The following CBR4 variants were observed in gnomAD, a reference collection of about 807,000 sequenced individuals.
CBR4 encodes 3-oxoacyl-[acyl-carrier-protein] reductase.
A neutral mutation model predicts 21.0 loss-of-function variants in CBR4; 22 were observed. The observed-to-expected ratio is 1.05, with a 90% CI of 0.75 to 1.50. The LOEUF (loss-of-function observed/expected upper bound fraction) is 1.50, where lower values mean the gene tolerates loss of function less well. CBR4 is among the 40% of genes most tolerant of loss of function. The pLI, the probability that CBR4 is intolerant of heterozygous loss-of-function variation, is 0.00. For synonymous variants in CBR4, 100 were observed against 104.4 expected (o/e 0.96, Z 0.26); for missense variants, 302 against 286.3 (o/e 1.05, Z -0.40).
intron 2 of CBR4, among the ~76,000 whole-genome samples, chr4:168,968,898 T>C (rs916061386): frequency 2.0e-5 from 3 of 152,240 alleles, no homozygotes; most frequent in African/African-American, 4.8e-5. Flanking sequence ...ACCAGTGTGA[T>C]GGTTCTGCCT....
chr4:168,915,061 C>T (rs1334488681), intron 2 of CBR4, among the ~76,000 whole-genome samples: 4 of 152,154 alleles, frequency 2.6e-5, no homozygotes, highest in African/African-American at 4.8e-5. Flanking sequence ...TAAGCCTTTC[C>T]TTATATCAGT....
chr4:169,000,342 T>C (rs574394729), intron 4 of CBR4, among the ~76,000 whole-genome samples: 3 of 150,212 alleles, frequency 2.0e-5, no homozygotes, highest in African/African-American at 7.4e-5. Context: ...CAAATATTCA[T>C]AGATTTAGAA....
At chr4:169,009,021 T>C (rs1482954362) in intron 1 of CBR4, 3 of 448,518 alleles carry the variant, frequency 6.7e-6, no homozygotes, top group Admixed American at 4.9e-5. Context: ...AAATCAGGAG[T>C]TGGGGTCCAG....
chr4:168,896,076 G>A (rs999691525), intron 2 of CBR4, among the ~76,000 whole-genome samples: 2 of 152,150 alleles, frequency 1.3e-5, no homozygotes, highest in Non-Finnish European at 2.9e-5. Context: ...CGGGTGTGGT[G>A]GCGTGCGCCT....
chr4:169,006,688 G>T (rs1049775430), intron 3 of CBR4, 67 bp downstream of exon 3: 2 of 1,331,886 alleles, frequency 1.5e-6, no homozygotes, highest in Non-Finnish European at 2.1e-6. Flanking sequence ...TCACAAATTC[G>T]TGGATTAAAT....
intron 1 of CBR4, among the ~76,000 whole-genome samples, chr4:169,008,002 G>C (rs1375425790): frequency 6.6e-6 from 1 of 152,140 alleles, no homozygotes; most frequent in African/African-American, 2.4e-5. Flanking sequence ...AATCAACAAA[G>C]GGGGGAGGGC....
chr4:168,981,045 A>G (rs1185277890), intron 2 of CBR4, among the ~76,000 whole-genome samples: 1 of 152,228 alleles, frequency 6.6e-6, no homozygotes, highest in Admixed American at 6.5e-5. Flanking sequence ...AACCCATTCC[A>G]AGGAATCTAA....
rs1764737107 is a variant in CBR4 at position 168,987,719 on chromosome 4, A to C, written c.*2431T>G. 2 of 984,670 alleles carry C rather than the reference A, an allele frequency of 2.0e-6. No individual in the cohort carries two copies. The highest frequency in any genetic ancestry group is 2.4e-6 in the Non-Finnish European group (2 of 829,336). 61.0% of individuals were successfully genotyped at this position (984,670 alleles called of 1,614,324 possible). ...AAATGTTTCACCAATGTTAAGGTAC[A>C]ACTCTTGAATATGCAGCGTAGTCTT... On this transcript the variant is annotated 3_prime_UTR_variant, in exon 5 of 5. Transcript: ENST00000306193.
intron 2 of CBR4, among the ~76,000 whole-genome samples, chr4:168,965,371 G>C (rs1185740523): frequency 6.6e-6 from 1 of 152,090 alleles, no homozygotes; most frequent in Non-Finnish European, 1.5e-5. Flanking sequence ...AGCTACCACT[G>C]ACTTACTTCA....
chr4:168,915,577 ATG>A (rs1759923425), intron 2 of CBR4, among the ~76,000 whole-genome samples: 1 of 152,202 alleles, frequency 6.6e-6, no homozygotes, highest in African/African-American at 2.4e-5. Flanking sequence ...TTGGTAATAA[ATG>A]AGCAATAATG....
rs1195791236 is a variant in CBR4 at position 169,010,218 on chromosome 4, AT to A, written c.-130del. The A allele has an allele frequency of 1.2e-6, 1 of 840,118 alleles. No individual in the cohort carries two copies. The highest frequency in any genetic ancestry group is 1.8e-6 in the Non-Finnish European group (1 of 567,180). The allele number at this position is 840,118 out of a possible 1,614,324, so 52.0% of individuals were successfully genotyped here. On this transcript the variant is annotated 5_prime_UTR_variant, in exon 1 of 5. Transcript: ENST00000306193. ...AAAAAAAGGCAAACCGCAAAAAAAAATAACGCCGCTCGACACCTCCTGCAGC... is the reference window on the plus strand; with the variant it reads ...AAAAAAAGGCAAACCGCAAAAAAAAAAACGCCGCTCGACACCTCCTGCAGC...
intron 2 of CBR4, among the ~76,000 whole-genome samples, chr4:168,963,340 G>C (rs1763917810): frequency 6.6e-6 from 1 of 152,196 alleles, no homozygotes; most frequent in South Asian, 2.1e-4. Flanking sequence ...GTGGGTAACT[G>C]TTGAAAGCAG....
intron 2 of CBR4, among the ~76,000 whole-genome samples, chr4:168,975,007 T>G (rs934552361): frequency 6.6e-6 from 1 of 152,198 alleles, no homozygotes; most frequent in Non-Finnish European, 1.5e-5. Flanking sequence ...CCAGAGTTAC[T>G]TTTCTGATTT....
intron 2 of CBR4, among the ~76,000 whole-genome samples, chr4:168,970,840 A>ATG (rs142942569): frequency 7.9e-5 from 12 of 151,672 alleles, no homozygotes; most frequent in Admixed American, 7.9e-4. Context: ...CATGATATAT[A>ATG]TATATATATA....
chr4:168,901,147 G>A (rs1423210528), intron 2 of CBR4, among the ~76,000 whole-genome samples: 1 of 151,672 alleles, frequency 6.6e-6, no homozygotes, highest in African/African-American at 2.4e-5. Flanking sequence ...CCTTCTCATT[G>A]TTTTCTTCCC....
At chr4:168,972,180 A>G (rs1297366136) in intron 2 of CBR4, among the ~76,000 whole-genome samples, 9 of 152,134 alleles carry the variant, frequency 5.9e-5, no homozygotes, top group African/African-American at 1.4e-4. Context: ...TTTGATAAGT[A>G]TAGCCTGTAG....
chr4:168,990,162 T>G lies in CBR4; in HGVS notation c.702A>C (p.Gln234His). ...GHVLVVDGGL[Q>H]LIL ...AATAATCTGCAAATTACAAAATGAG[T>G]TGTAATCCCCCATCCACTACCAGAA... The change falls in exon 5 of 5, where the codon CAA (glutamine) becomes CAC (histidine). Residue 234 changes from glutamine (Q) to histidine (H), a missense_variant. Gln to His is a conservative substitution (Grantham distance 24). Transcript: ENST00000306193. 1 of 1,596,752 alleles carries G rather than the reference T, an allele frequency of 6.3e-7. No individual in the cohort carries two copies. The highest frequency in any genetic ancestry group is 8.5e-7 in the Non-Finnish European group (1 of 1,172,314).
intron 2 of CBR4, chr4:168,903,723 A>ACTC (rs779842899): frequency 5.7e-6 from 9 of 1,579,056 alleles, no homozygotes; most frequent in Non-Finnish European, 7.0e-6. Flanking sequence ...GAATACACAA[A>ACTC]CTCCTAATCT....
At chr4:168,969,210 C>T (rs1488102529) in intron 2 of CBR4, among the ~76,000 whole-genome samples, 1 of 152,190 alleles carries the variant, frequency 6.6e-6, no homozygotes, top group Non-Finnish European at 1.5e-5. Flanking sequence ...TGGACAGCTG[C>T]TCTGTGTACA....
Sources: gnomAD v4.1 joint callset for allele counts (sites outside exome capture counted in the v4.1 genomes callset) on GRCh38, gnomAD v4.1.1 for gene constraint, MANE v1.5 for transcripts, NCBI Gene and HGNC (gene_info 2026-07-23, HGNC 2026-07-21) for gene names.